The following PLOD2 variants were observed in gnomAD, a reference collection of about 807,000 sequenced individuals.
PLOD2 encodes the protein procollagen-lysine,2-oxoglutarate 5-dioxygenase 2.
Under a neutral mutation model 101.0 loss-of-function variants are expected in PLOD2, and 65 were observed. The observed-to-expected ratio is 0.64, with a 90% confidence interval of 0.53 to 0.79. The LOEUF (loss-of-function observed/expected upper bound fraction) is 0.79, where lower values mean the gene tolerates loss of function less well. Ranked by LOEUF, PLOD2 falls within the 30% of genes least tolerant of loss-of-function variation. The probability of loss-of-function intolerance (pLI) is 0.00; values close to 1 mark genes in which losing one functional copy is unlikely to be tolerated. For synonymous variants in PLOD2, 314 were observed against 302.9 expected (o/e 1.04, Z -0.38); for missense variants, 909 against 914.6 (o/e 0.99, Z 0.08).
chr3:146,093,967 T>C (rs1356436577), intron 7 of PLOD2, among the ~76,000 whole-genome samples: 1 of 151,958 alleles, frequency 6.6e-6, no homozygotes, highest in Non-Finnish European at 1.5e-5. Flanking sequence ...CTTCCCTCTT[T>C]TGGACCTCTC....
rs1559878924 is a variant in PLOD2 at position 146,160,914 on chromosome 3, C to CA, written c.75dup (p.Ala26CysfsTer13). On this transcript the variant is annotated frameshift_variant, in exon 1 of 20. Transcript: ENST00000282903. LOFTEE classifies it high-confidence loss of function. ...ATGCTCGAGGGCTTCTCCGAGTCCG[C>CA]ACCCAGACAGGGATTCCAGGGGTGG... The CA allele has an allele frequency of 6.3e-7, 1 of 1,595,286 alleles. No homozygotes were observed. The highest frequency in any genetic ancestry group is 1.3e-5 in the African/African-American group (1 of 74,746).
At chr3:146,138,202 A>G (rs150574010) in intron 1 of PLOD2, among the ~76,000 whole-genome samples, 227 of 152,240 alleles carry the variant, frequency 1.5e-3, no homozygotes, top group Non-Finnish European at 2.5e-3. Flanking sequence ...ACCAGGTGCC[A>G]TAAGTTCACT....
At chr3:146,134,324 G>C (rs546687942) in intron 1 of PLOD2, among the ~76,000 whole-genome samples, 8 of 152,250 alleles carry the variant, frequency 5.3e-5, no homozygotes, top group Admixed American at 1.3e-4. Flanking sequence ...CCATTTTCCA[G>C]AATTTATGAC....
At chr3:146,075,526 T>C (rs889182865) in intron 15 of PLOD2, among the ~76,000 whole-genome samples, 2 of 147,856 alleles carry the variant, frequency 1.4e-5, no homozygotes, top group African/African-American at 5.0e-5. Flanking sequence ...AAACAGATTT[T>C]AAAAGGAAAT....
intron 4 of PLOD2, among the ~76,000 whole-genome samples, chr3:146,107,659 C>CA (rs1937560366): frequency 1.9e-5 from 2 of 105,152 alleles, no homozygotes; most frequent in Admixed American, 3.0e-4. Context: ...TTTTTGGAGA[C>CA]AGAGTCTCGC....
chr3:146,141,610 G>A (rs2031527666), intron 1 of PLOD2, among the ~76,000 whole-genome samples: 1 of 152,072 alleles, frequency 6.6e-6, no homozygotes. Flanking sequence ...AGACATAATG[G>A]TAAACGAAGT....
chr3:146,147,696 A>G (rs2031851167), intron 1 of PLOD2, among the ~76,000 whole-genome samples: 1 of 152,214 alleles, frequency 6.6e-6, no homozygotes, highest in Admixed American at 6.5e-5. Flanking sequence ...CCATAGGCTG[A>G]AAGTCATAGC....
Position 146,086,082 on chromosome 3 carries a change from C to T in PLOD2, c.1127+705G>A, listed in dbSNP as rs1459707315. On this transcript the variant is annotated intron_variant, in intron 10 of 19. Transcript: ENST00000282903. ...TAACATCAGTTTGGTTTTTCAGAGG[C>T]CTCTTTTCTGTCTATCCCTAGACCC... 3 of 152,152 alleles carry T rather than the reference C, an allele frequency of 2.0e-5. No homozygotes were observed. The East Asian group carries it at 5.8e-4, about 29-fold the overall frequency. 9.4% of individuals were successfully genotyped at this position (152,152 alleles called of 1,614,324 possible).
chr3:146,137,906 C>A (rs2031327275), intron 1 of PLOD2, among the ~76,000 whole-genome samples: 1 of 152,050 alleles, frequency 6.6e-6, no homozygotes, highest in African/African-American at 2.4e-5. Context: ...CGATAAATCA[C>A]AGGAGGAAGA....
At chr3:146,098,046 T>G (rs1937266328) in intron 7 of PLOD2, among the ~76,000 whole-genome samples, 3 of 151,808 alleles carry the variant, frequency 2.0e-5, no homozygotes, top group African/African-American at 7.3e-5. Flanking sequence ...CACTGGAGCC[T>G]GTTGAGGGGT....
At chr3:146,118,757 G>C (rs1938039134) in intron 3 of PLOD2, among the ~76,000 whole-genome samples, 1 of 151,984 alleles carries the variant, frequency 6.6e-6, no homozygotes, top group Admixed American at 6.6e-5. Context: ...ACATTAAAAA[G>C]GTTCTTCTTT....
intron 7 of PLOD2, among the ~76,000 whole-genome samples, chr3:146,101,322 G>C (rs906394259): frequency 6.6e-6 from 1 of 152,188 alleles, no homozygotes; most frequent in South Asian, 2.1e-4. Context: ...TACTAAAACA[G>C]TAAGGATGAG....
chr3:146,141,764 C>A (rs1010392509), intron 1 of PLOD2, among the ~76,000 whole-genome samples: 1 of 151,980 alleles, frequency 6.6e-6, no homozygotes, highest in African/African-American at 2.4e-5. Context: ...ATGGGTCTTA[C>A]AATACAGTTG....
chr3:146,076,990 TTTATATTTC>T (rs1936369987), intron 14 of PLOD2, 95 bp from the exon 15 acceptor site: 1 of 336,398 alleles, frequency 3.0e-6, no homozygotes, highest in South Asian at 6.3e-5. Context: ...AATTTCTATC[TTTATATTTC>T]ATTTATGAAC....
chr3:146,096,196 G>A (rs368848931), intron 7 of PLOD2, among the ~76,000 whole-genome samples: 2 of 140,726 alleles, frequency 1.4e-5, no homozygotes, highest in Admixed American at 7.1e-5. Flanking sequence ...GTGCTCAATG[G>A]TGCCCAGGCT....
chr3:146,128,481 ATGAAAAT>A (rs2030713757), intron 1 of PLOD2, among the ~76,000 whole-genome samples: 1 of 152,108 alleles, frequency 6.6e-6, no homozygotes. Flanking sequence ...AACTTACCAA[ATGAAAAT>A]CAGTGGCAGA....
intron 2 of PLOD2, among the ~76,000 whole-genome samples, chr3:146,123,909 A>G (rs1316065321): frequency 6.6e-6 from 1 of 152,046 alleles, no homozygotes. Flanking sequence ...CAGGCATATA[A>G]TGTGTAATGA....
At chr3:146,134,087 T>C (rs1426347219) in intron 1 of PLOD2, among the ~76,000 whole-genome samples, 1 of 152,166 alleles carries the variant, frequency 6.6e-6, no homozygotes, top group Non-Finnish European at 1.5e-5. Flanking sequence ...AAAGATTCAC[T>C]ATCTCCCCAC....
intron 1 of PLOD2, among the ~76,000 whole-genome samples, chr3:146,134,392 T>C (rs547353757): frequency 6.6e-6 from 1 of 152,204 alleles, no homozygotes; most frequent in Non-Finnish European, 1.5e-5. Flanking sequence ...TAGATATAAT[T>C]TTAATGTCAA....
Sources: allele counts gnomAD v4.1 joint callset (sites outside exome capture counted in the v4.1 genomes callset), GRCh38; gene constraint gnomAD v4.1.1; transcripts MANE v1.5; gene names NCBI Gene and HGNC (gene_info 2026-07-23, HGNC 2026-07-21).